CNTN4: variants seen among roughly 807,000 people sequenced by gnomAD.
The protein encoded by CNTN4 is contactin-4.
CNTN4 carries 77 observed loss-of-function variants against 122.5 expected under a neutral mutation model. That is an observed-to-expected ratio of 0.63 (90% CI 0.52 to 0.76). CNTN4 has a LOEUF of 0.76. Ranked by LOEUF, CNTN4 falls within the 30% of genes least tolerant of loss-of-function variation. The pLI is 0.00. For missense variants in CNTN4, 1,256 were observed against 1,259.1 expected, an observed-to-expected ratio of 1.00 and a Z score of 0.04; for synonymous variants, 512 against 447.0, an observed-to-expected ratio of 1.15 and a Z score of -1.83.
intron 6 of CNTN4, among the ~76,000 whole-genome samples, chr3:2,813,618 G>C (rs1405614460): frequency 1.3e-5 from 2 of 151,948 alleles, no homozygotes; most frequent in Non-Finnish European, 2.9e-5. Context: ...AATAGCTTCA[G>C]CTCTTCCTGT....
At chr3:2,315,868 A>G (rs2150172278) in intron 2 of CNTN4, among the ~76,000 whole-genome samples, 1 of 152,202 alleles carries the variant, frequency 6.6e-6, no homozygotes, top group Admixed American at 6.5e-5. Context: ...TGTTTAATAT[A>G]TTTATAAGGC....
intron 2 of CNTN4, among the ~76,000 whole-genome samples, chr3:2,105,709 CA>C (rs546446980): frequency 6.6e-6 from 1 of 152,278 alleles, no homozygotes; most frequent in South Asian, 2.1e-4. Context: ...GACACAGAGC[CA>C]AACCATATCA....
chr3:3,037,303 AGAGAAACG>A lies in CNTN4; in HGVS notation c.2073_2080del (p.Lys691AsnfsTer22). 6.2e-7 allele frequency: 1 copy of A among 1,614,198 alleles called. No homozygotes were observed. Among genetic ancestry groups the A allele is most frequent in the Non-Finnish European group, 8.5e-7 (1 of 1,180,032 alleles). On this transcript the variant is annotated frameshift_variant, in exon 18 of 25. Coordinates refer to ENST00000418658, the MANE Select transcript of CNTN4 (RefSeq NM_175607.3). LOFTEE classifies it high-confidence loss of function. ...GGATTGGGGAGCCCAGCCGCCCCTC[AGAGAAACG>A]GAGAACAGAAGAAGCTCGTGAGTAG...
intron 2 of CNTN4, among the ~76,000 whole-genome samples, chr3:2,108,224 C>G (rs925650832): frequency 6.9e-6 from 1 of 144,242 alleles, no homozygotes; most frequent in African/African-American, 2.6e-5. Flanking sequence ...CCTCCTCTTA[C>G]TGTCCTTGTC....
intron 10 of CNTN4, among the ~76,000 whole-genome samples, chr3:2,898,862 C>T (rs1250151752): frequency 6.6e-6 from 1 of 152,160 alleles, no homozygotes; most frequent in Non-Finnish European, 1.5e-5. Context: ...TGAAATCAGG[C>T]ATGCAACTGC....
intron 4 of CNTN4, among the ~76,000 whole-genome samples, chr3:2,604,210 C>T (rs755046048): frequency 6.6e-6 from 1 of 152,128 alleles, no homozygotes; most frequent in Non-Finnish European, 1.5e-5. Flanking sequence ...GTATAAATCT[C>T]TTAGTGTGTC....
rs150513451 is a variant in CNTN4 at position 2,821,069 on chromosome 3, C to G, written c.454+1488C>G. 4.8e-5 allele frequency among the ~76,000 whole-genome samples: 7 copies of G among 144,902 alleles called. No individual in the cohort carries two copies. The East Asian group carries it at 1.5e-3, about 31-fold the overall frequency. On this transcript the variant is annotated intron_variant, in intron 7 of 24. Coordinates refer to ENST00000418658, the MANE Select transcript of CNTN4 (RefSeq NM_175607.3). ...CTCTGCCTCCCAGGTTCAATCGATT[C>G]TCATGCCTCAGCCTTCCGAGTAGCT...
At chr3:2,737,047 G>A (rs1236406112) in intron 5 of CNTN4, among the ~76,000 whole-genome samples, 1 of 152,026 alleles carries the variant, frequency 6.6e-6, no homozygotes, top group East Asian at 1.9e-4. Context: ...GCCTTCTAAA[G>A]TGCTGGGATT....
chr3:2,311,036 A>G (rs1234088985), intron 2 of CNTN4, among the ~76,000 whole-genome samples: 1 of 152,126 alleles, frequency 6.6e-6, no homozygotes, highest in East Asian at 1.9e-4. Flanking sequence ...ATAACAGCTA[A>G]GGAATGTGGC....
chr3:2,760,426 C>T (rs1029639844), intron 6 of CNTN4, among the ~76,000 whole-genome samples: 5 of 152,134 alleles, frequency 3.3e-5, no homozygotes, highest in African/African-American at 1.2e-4. Flanking sequence ...GTTTTAATAT[C>T]ATCTGTTGAA....
chr3:2,531,591 C>T (rs527546999), intron 3 of CNTN4, among the ~76,000 whole-genome samples: 1 of 152,246 alleles, frequency 6.6e-6, no homozygotes, highest in South Asian at 2.1e-4. Flanking sequence ...ATAATGATTG[C>T]CATTGGATGT....
intron 2 of CNTN4, among the ~76,000 whole-genome samples, chr3:2,268,952 A>C (rs1351623162): frequency 1.3e-5 from 2 of 152,014 alleles, no homozygotes; most frequent in African/African-American, 4.8e-5. Flanking sequence ...TCTTGTGCTA[A>C]ATAGGTTTCT....
At chr3:2,681,782 C>G (rs1476529355) in intron 4 of CNTN4, among the ~76,000 whole-genome samples, 1 of 151,984 alleles carries the variant, frequency 6.6e-6, no homozygotes, top group Admixed American at 6.6e-5. Flanking sequence ...TATATAAACT[C>G]TCTTAAATGG....
intron 10 of CNTN4, among the ~76,000 whole-genome samples, chr3:2,897,932 C>T (rs2094132820): frequency 6.6e-6 from 1 of 152,132 alleles, no homozygotes; most frequent in Non-Finnish European, 1.5e-5. Flanking sequence ...AATGCATTAT[C>T]ACAAAAGGGG....
chr3:2,997,184 G>GAAAGGA (rs1695613686), intron 14 of CNTN4, among the ~76,000 whole-genome samples: 1 of 152,198 alleles, frequency 6.6e-6, no homozygotes, highest in Admixed American at 6.5e-5. Flanking sequence ...TAAATAAAGA[G>GAAAGGA]AAAAGAAAAC....
At chr3:2,450,467 CTT>C (rs2048788410) in intron 3 of CNTN4, among the ~76,000 whole-genome samples, 1 of 152,074 alleles carries the variant, frequency 6.6e-6, no homozygotes, top group Non-Finnish European at 1.5e-5. Flanking sequence ...TGTATGTTTT[CTT>C]GTTTAAAGAT....
chr3:2,682,734 C>T (rs1383482203), intron 4 of CNTN4, among the ~76,000 whole-genome samples: 1 of 152,062 alleles, frequency 6.6e-6, no homozygotes, highest in Non-Finnish European at 1.5e-5. Flanking sequence ...GATCAAATTC[C>T]TAATTACTGA....
intron 4 of CNTN4, among the ~76,000 whole-genome samples, chr3:2,654,872 C>T (rs2083515168): frequency 6.6e-6 from 1 of 152,076 alleles, no homozygotes; most frequent in South Asian, 2.1e-4. Context: ...TTCTGCGTGG[C>T]ACTAGCTAGT....
intron 7 of CNTN4, among the ~76,000 whole-genome samples, chr3:2,844,074 T>A (rs186093338): frequency 6.2e-4 from 94 of 152,310 alleles, no homozygotes; most frequent in African/African-American, 2.1e-3. Context: ...ATGAAACACG[T>A]CCCTCCTAGC....
Sources: allele counts gnomAD v4.1 joint callset (sites outside exome capture counted in the v4.1 genomes callset), GRCh38; gene constraint gnomAD v4.1.1; transcripts MANE v1.5; gene names NCBI Gene and HGNC (gene_info 2026-07-23, HGNC 2026-07-21).